Variants in PFKFB3 observed in about 807,000 individuals in gnomAD.
The protein encoded by PFKFB3 is 6-phosphofructo-2-kinase/fructose-2,6-biphosphatase 3.
Under a neutral mutation model 68.0 loss-of-function variants are expected in PFKFB3, and 33 were observed. The observed-to-expected ratio is 0.49, with a 90% CI of 0.37 to 0.65. PFKFB3 has a LOEUF of 0.65. Ranked by LOEUF, PFKFB3 falls within the 30% of genes least tolerant of loss-of-function variation. PFKFB3 has a pLI of 0.00. For synonymous variants in PFKFB3, 315 were observed against 288.2 expected (o/e 1.09, Z -0.94); for missense variants, 586 against 712.2 (o/e 0.82, Z 2.02).
At chr10:6,208,524 G>C (rs552983686) in intron 1 of PFKFB3, among the ~76,000 whole-genome samples, 1 of 152,180 alleles carries the variant, frequency 6.6e-6, no homozygotes. Flanking sequence ...TTTCATCTCA[G>C]TAGCGAGTTA....
At chr10:6,237,402 C>T (rs531113074), downstream of PFKFB3, among the ~76,000 whole-genome samples, 5 of 151,960 alleles carry the variant, frequency 3.3e-5, no homozygotes, top group East Asian at 1.9e-4. Flanking sequence ...AAGAGTGAGG[C>T]GTTCATTCAG....
chr10:6,237,112 C>A (rs1846031278), downstream of PFKFB3, among the ~76,000 whole-genome samples: 1 of 152,250 alleles, frequency 6.6e-6, no homozygotes, highest in Non-Finnish European at 1.5e-5. Context: ...CCTGGGAGGT[C>A]TCCCCAGCTA....
At chr10:6,216,661 C>A in intron 4 of PFKFB3, 45 bp from the exon 5 acceptor site, 2 of 1,341,042 alleles carry the variant, frequency 1.5e-6, no homozygotes, top group Non-Finnish European at 2.1e-6. Flanking sequence ...CGTTGTTAAA[C>A]TCAAACTTAG....
intron 14 of PFKFB3, among the ~76,000 whole-genome samples, chr10:6,242,796 C>A (rs2132075105): frequency 6.6e-6 from 1 of 152,298 alleles, no homozygotes; most frequent in African/African-American, 2.4e-5. Context: ...CCATATTGGC[C>A]AGGCTGGTTT....
intron 1 of PFKFB3, among the ~76,000 whole-genome samples, chr10:6,161,901 T>A (rs1841985765): frequency 6.6e-6 from 1 of 152,222 alleles, no homozygotes; most frequent in Admixed American, 6.5e-5. Flanking sequence ...AATACACTTA[T>A]AATTTACCAT....
chr10:6,239,365 C>T (rs187558297), downstream of PFKFB3, among the ~76,000 whole-genome samples: 257 of 152,286 alleles, frequency 1.7e-3, 1 homozygote, highest in African/African-American at 5.8e-3. Flanking sequence ...CTGTTAGACT[C>T]GCAGATGAGT....
the PFKFB3 span, among the ~76,000 whole-genome samples, chr10:6,303,791 G>A: frequency 3.2e-5 from 4 of 124,322 alleles, no homozygotes; most frequent in Non-Finnish European, 5.1e-5. Context: ...CAGAGTGAGA[G>A]TCCATCTAAA....
intron 1 of PFKFB3, among the ~76,000 whole-genome samples, chr10:6,193,710 T>A (rs1221107071): frequency 6.6e-6 from 1 of 152,144 alleles, no homozygotes; most frequent in African/African-American, 2.4e-5. Flanking sequence ...GGTTTTGGGA[T>A]AGGCGGTGGA....
At chr10:6,183,029 C>G (rs1842763439) in intron 1 of PFKFB3, among the ~76,000 whole-genome samples, 1 of 152,128 alleles carries the variant, frequency 6.6e-6, no homozygotes, top group Non-Finnish European at 1.5e-5. Flanking sequence ...CAGCCACAGC[C>G]CATACACGCC....
At chr10:6,303,388 A>G in the PFKFB3 span, among the ~76,000 whole-genome samples, 86,341 of 152,130 alleles carry the variant, frequency 0.57, 26,455 homozygotes, top group Non-Finnish European at 0.7. Context: ...CCATGACAAA[A>G]TAAGGTTTAT....
At chr10:6,263,083 C>G in the PFKFB3 span, among the ~76,000 whole-genome samples, 20 of 152,294 alleles carry the variant, frequency 1.3e-4, no homozygotes, top group East Asian at 2.5e-3. Flanking sequence ...GGTCTCATAG[C>G]CTTCAGAGCC....
chr10:6,214,847 G>A (rs77821840), intron 2 of PFKFB3, among the ~76,000 whole-genome samples: 352 of 152,358 alleles, frequency 2.3e-3, no homozygotes, highest in Non-Finnish European at 3.6e-3. Context: ...CTCGCTTTCT[G>A]ATACCATTGG....
intron 1 of PFKFB3, among the ~76,000 whole-genome samples, chr10:6,188,713 C>T (rs944948138): frequency 1.3e-5 from 2 of 151,900 alleles, no homozygotes; most frequent in South Asian, 2.1e-4. Context: ...CTTGTAGTGA[C>T]CTTGTGTAAG....
At chr10:6,183,613 A>AT (rs368426269) in intron 1 of PFKFB3, among the ~76,000 whole-genome samples, 607 of 84,232 alleles carry the variant, frequency 7.2e-3, no homozygotes, top group South Asian at 0.018. Flanking sequence ...AAAAAAAAAA[A>AT]AATATATATA....
At chr10:6,163,436 C>T (rs1471092014) in intron 1 of PFKFB3, among the ~76,000 whole-genome samples, 1 of 152,208 alleles carries the variant, frequency 6.6e-6, no homozygotes, top group Non-Finnish European at 1.5e-5. Context: ...CCTAGATACA[C>T]CTGGAGCCTG....
chr10:6,313,937 C>T, the PFKFB3 span, among the ~76,000 whole-genome samples: 1 of 152,212 alleles, frequency 6.6e-6, no homozygotes, highest in Admixed American at 6.5e-5. This position sits in a 1 kb window ranked among gnomAD's most constrained non-coding sequence, Gnocchi z 4.2. Context: ...TCAACACTCA[C>T]CCTAGCGCCA....
chr10:6,151,238 C>T (rs138087902), intron 1 of PFKFB3, among the ~76,000 whole-genome samples: 2 of 152,260 alleles, frequency 1.3e-5, no homozygotes, highest in Non-Finnish European at 2.9e-5. Context: ...GCCCCAGGAG[C>T]ATCCAAGGTT....
intron 1 of PFKFB3, among the ~76,000 whole-genome samples, chr10:6,155,360 G>A (rs912369149): frequency 2.6e-5 from 4 of 151,462 alleles, no homozygotes; most frequent in South Asian, 2.1e-4. Flanking sequence ...CCACCACCAC[G>A]CCCGGCTAAT....
At chr10:6,227,753 C>T (rs1291289534) in intron 14 of PFKFB3, among the ~76,000 whole-genome samples, 1 of 152,226 alleles carries the variant, frequency 6.6e-6, no homozygotes, top group Non-Finnish European at 1.5e-5. Flanking sequence ...GGCCCTCAGT[C>T]TCCTTAGCTT....
Sources: gnomAD v4.1 joint callset for allele counts (sites outside exome capture counted in the v4.1 genomes callset) on GRCh38, gnomAD v4.1.1 for gene constraint, Gnocchi (gnomAD v3.1) non-coding constraint, MANE v1.5 for transcripts, NCBI Gene and HGNC (gene_info 2026-07-23, HGNC 2026-07-21) for gene names.